LDB2: variants seen among roughly 807,000 people sequenced by gnomAD.
LDB2 encodes LIM domain binding 2, also known as LIM domain-binding protein 2.
In LDB2, 12 loss-of-function variants were observed where a neutral mutation model predicts 44.3. The ratio of observed to expected loss-of-function variants is 0.27; its 90% CI spans 0.17 to 0.44. The LOEUF (loss-of-function observed/expected upper bound fraction) is 0.44. Among genes scored for constraint, LDB2 ranks in the 20% least tolerant of loss-of-function variants. LDB2 has a pLI of 1.00. For synonymous variants in LDB2, 164 were observed against 174.8 expected, an observed-to-expected ratio of 0.94 and a Z score of 0.49; for missense variants, 344 against 473.5, an observed-to-expected ratio of 0.73 and a Z score of 2.54.
chr4:16,623,472 C>T (rs990117109), intron 2 of LDB2, among the ~76,000 whole-genome samples: 5 of 152,024 alleles, frequency 3.3e-5, no homozygotes, highest in Non-Finnish European at 7.4e-5. Context: ...TGCCACACAC[C>T]GGTAATCCCA....
chr4:16,683,391 G>A (rs952994055), intron 2 of LDB2, among the ~76,000 whole-genome samples: 7 of 152,186 alleles, frequency 4.6e-5, no homozygotes, highest in African/African-American at 1.7e-4. Flanking sequence ...AGCTTCAGGA[G>A]AATCAAAACA....
intron 2 of LDB2, among the ~76,000 whole-genome samples, chr4:16,668,730 G>A (rs1578629227): frequency 1.3e-5 from 2 of 152,334 alleles, no homozygotes; most frequent in East Asian, 1.9e-4. Flanking sequence ...CAGCAGAGAT[G>A]TATTTTCTCA....
intron 4 of LDB2, among the ~76,000 whole-genome samples, chr4:16,586,245 G>A (rs1474689073): frequency 1.3e-5 from 2 of 152,142 alleles, no homozygotes; most frequent in Admixed American, 6.5e-5. Context: ...TGTGCTTTCA[G>A]TCCTTGGGAG....
At chr4:16,677,980 G>A (rs369514906) in intron 2 of LDB2, among the ~76,000 whole-genome samples, 6 of 152,094 alleles carry the variant, frequency 3.9e-5, no homozygotes, top group East Asian at 1.9e-4. Context: ...TGTGTAGACC[G>A]TCTTTCTCTG....
intron 2 of LDB2, among the ~76,000 whole-genome samples, chr4:16,633,801 C>A (rs929787308): frequency 1.3e-5 from 2 of 152,152 alleles, no homozygotes; most frequent in Non-Finnish European, 2.9e-5. Flanking sequence ...GTCCACATAG[C>A]CAAGACAATC....
intron 2 of LDB2, among the ~76,000 whole-genome samples, chr4:16,673,583 G>T (rs1745478494): frequency 6.6e-6 from 1 of 152,152 alleles, no homozygotes; most frequent in South Asian, 2.1e-4. Flanking sequence ...TTTGGAACAG[G>T]GCTTAAAGTT....
At chr4:16,728,852 TA>T (rs34370742) in intron 2 of LDB2, among the ~76,000 whole-genome samples, 34,964 of 152,172 alleles carry the variant, frequency 0.23, 4,735 homozygotes, top group Non-Finnish European at 0.32. Flanking sequence ...ATAATCTCAC[TA>T]AAAATAAAAT....
At chr4:16,625,989 G>A (rs1052755427) in intron 2 of LDB2, among the ~76,000 whole-genome samples, 3 of 152,142 alleles carry the variant, frequency 2.0e-5, no homozygotes, top group Admixed American at 1.3e-4. Flanking sequence ...TGTGATATAG[G>A]TTGATACAGG....
At chr4:16,793,020 G>T (rs370103116) in intron 1 of LDB2, among the ~76,000 whole-genome samples, 5 of 152,264 alleles carry the variant, frequency 3.3e-5, no homozygotes, top group East Asian at 1.9e-4. Flanking sequence ...GGACCCCCTT[G>T]GTTGGAGTAT....
intron 5 of LDB2, among the ~76,000 whole-genome samples, chr4:16,544,747 C>G (rs574906865): frequency 6.6e-6 from 1 of 152,020 alleles, no homozygotes; most frequent in Non-Finnish European, 1.5e-5. Context: ...TAGTTCTGAC[C>G]AAGATGAATT....
chr4:16,511,441 T>C lies in LDB2; in HGVS notation c.739+540A>G, dbSNP rs1207703694. Among the ~76,000 whole-genome samples the C allele has an allele frequency of 2.0e-5, 3 of 152,308 alleles. 1 individual carries two copies. Among genetic ancestry groups the C allele is most frequent in the Non-Finnish European group, 4.4e-5 (3 of 68,028 alleles). On this transcript the variant is annotated intron_variant, in intron 6 of 7. Transcript: ENST00000304523. Reference sequence around the variant, plus strand: ...TTCATGATCAGAACTTTTGATACAATATATCTTTAAAAACAGAGCAAACTT... The same window carrying C: ...TTCATGATCAGAACTTTTGATACAACATATCTTTAAAAACAGAGCAAACTT...
rs959886269 is a variant in LDB2, at chr4:16,692,753, C to T, written c.235+66405G>A. On this transcript the variant is annotated intron_variant, in intron 2 of 7. Transcript: ENST00000304523. ...GTCTTGGTGAGTCTCAGAAACCATT[C>T]GCAGTCCATGAGGCTGAGTTGACCT... Among the ~76,000 whole-genome samples the T allele has an allele frequency of 2.6e-5, 4 of 152,060 alleles. No homozygotes were observed. The South Asian group carries it at 6.2e-4, about 24-fold the overall frequency.
intron 1 of LDB2, among the ~76,000 whole-genome samples, chr4:16,857,096 C>T (rs1018088529): frequency 6.6e-6 from 1 of 152,104 alleles, no homozygotes; most frequent in Non-Finnish European, 1.5e-5. Flanking sequence ...GTTACTAATT[C>T]TCATAGAACA....
At chr4:16,701,935 T>G (rs1753535171) in intron 2 of LDB2, among the ~76,000 whole-genome samples, 1 of 152,260 alleles carries the variant, frequency 6.6e-6, no homozygotes, top group Non-Finnish European at 1.5e-5. Flanking sequence ...ATCATCACTA[T>G]TACTATTGTT....
At chr4:16,559,879 A>C (rs1225357295) in intron 5 of LDB2, among the ~76,000 whole-genome samples, 1 of 152,062 alleles carries the variant, frequency 6.6e-6, no homozygotes. Flanking sequence ...TCAGACCACA[A>C]TGCAATCAAA....
chr4:16,842,059 T>C lies in LDB2; in HGVS notation c.132+56295A>G, dbSNP rs143114812. ...GGGAACTCATCTATTTTCATGGCTT[T>C]GGTGAGCACATTTTAAAGTTATCAT... On this transcript the variant is annotated intron_variant, in intron 1 of 7. Transcript: ENST00000304523. 1.0e-3 allele frequency among the ~76,000 whole-genome samples: 159 copies of C among 152,334 alleles called. 2 individuals carry two copies. Among genetic ancestry groups the C allele is most frequent in the Admixed American group, 5.9e-4 (9 of 15,304 alleles).
intron 2 of LDB2, among the ~76,000 whole-genome samples, chr4:16,686,512 A>G (rs964534704): frequency 1.1e-4 from 16 of 152,236 alleles, no homozygotes; most frequent in African/African-American, 3.9e-4. Context: ...AGAAATGATA[A>G]GAATCTTTGG....
At chr4:16,537,735 A>G (rs532744490) in intron 5 of LDB2, among the ~76,000 whole-genome samples, 1 of 152,004 alleles carries the variant, frequency 6.6e-6, no homozygotes, top group African/African-American at 2.4e-5. Context: ...GAGGTGTAGA[A>G]CTTATGTGCA....
In LDB2 at chr4:16,533,770, G is replaced by A. The variant is rs977421420; in HGVS notation, c.616-21666C>T. On this transcript the variant is annotated intron_variant, in intron 5 of 7. Transcript: ENST00000304523. This position sits in a 1 kb window ranked among gnomAD's most constrained non-coding sequence, Gnocchi z 4.1. ...GGGTTGCATAAAAACAACAATTCCTGGAAAGGTGAAATTTTTAATTAAATG... is the reference window on the plus strand; with the variant it reads ...GGGTTGCATAAAAACAACAATTCCTAGAAAGGTGAAATTTTTAATTAAATG... Among the ~76,000 whole-genome samples, 3 of 152,030 alleles carry A rather than the reference G, an allele frequency of 2.0e-5. No homozygotes were observed. The highest frequency in any genetic ancestry group is 7.2e-5 in the African/African-American group (3 of 41,388).
Sources: allele counts gnomAD v4.1 joint callset (sites outside exome capture counted in the v4.1 genomes callset), GRCh38; gene constraint gnomAD v4.1.1; non-coding constraint Gnocchi (gnomAD v3.1); transcripts MANE v1.5; gene names NCBI Gene and HGNC (gene_info 2026-07-23, HGNC 2026-07-21).